The following INSYN2B variants were observed in gnomAD, a reference collection of about 807,000 sequenced individuals.
INSYN2B encodes inhibitory synaptic factor family member 2B, also known as protein INSYN2B.
A neutral mutation model predicts 41.2 loss-of-function variants in INSYN2B; 16 were observed. The observed-to-expected ratio is 0.39, with a 90% confidence interval of 0.26 to 0.59. The LOEUF is 0.59. Among genes scored for constraint, INSYN2B ranks in the 20% least tolerant of loss-of-function variants. INSYN2B has a pLI of 0.57. For synonymous variants in INSYN2B, 245 were observed against 244.4 expected, an observed-to-expected ratio of 1.00 and a Z score of -0.02; for missense variants, 608 against 646.4, an observed-to-expected ratio of 0.94 and a Z score of 0.64.
At chr5:169,956,747 G>C (rs1004818079) in intron 1 of INSYN2B, among the ~76,000 whole-genome samples, 3 of 152,154 alleles carry the variant, frequency 2.0e-5, no homozygotes, top group Non-Finnish European at 4.4e-5. Flanking sequence ...TTAAAGTGAA[G>C]TTTCCCTAGC....
rs147477042 is a variant in INSYN2B, at chr5:169,901,989, T to C, written c.-918-17173A>G. ...GGTGTACACCATACCATATCAGGCA[T>C]TGGCCTTCAGAAGTAAGAGACCACC... On this transcript the variant is annotated intron_variant, in intron 1 of 3. Coordinates refer to ENST00000377365, the MANE Select transcript of INSYN2B (RefSeq NM_001129891.3). Among the ~76,000 whole-genome samples the C allele has an allele frequency of 4.0e-4, 61 of 152,318 alleles. No individual in the cohort carries two copies. In the East Asian group the frequency reaches 9.5e-3, roughly 24 times the overall value.
At chr5:169,909,126 G>T (rs955783206) in intron 1 of INSYN2B, among the ~76,000 whole-genome samples, 1 of 152,196 alleles carries the variant, frequency 6.6e-6, no homozygotes, top group African/African-American at 2.4e-5. Context: ...CACCTTTGCT[G>T]TGCCTCCATT....
At chr5:169,968,572 G>A (rs1480304776) in intron 1 of INSYN2B, among the ~76,000 whole-genome samples, 1 of 152,206 alleles carries the variant, frequency 6.6e-6, no homozygotes, top group African/African-American at 2.4e-5. Flanking sequence ...TCCCTATGGA[G>A]TTCGTGCAGA....
chr5:169,877,660 T>C (rs1268653800), intron 3 of INSYN2B, among the ~76,000 whole-genome samples: 1 of 144,288 alleles, frequency 6.9e-6, no homozygotes, highest in African/African-American at 2.9e-5. Flanking sequence ...AAATTTTAGA[T>C]AGATAGATAG....
intron 1 of INSYN2B, among the ~76,000 whole-genome samples, chr5:169,964,137 A>G (rs969411241): frequency 6.6e-5 from 10 of 152,208 alleles, no homozygotes; most frequent in African/African-American, 2.4e-4. Flanking sequence ...TCTACTGACC[A>G]GAACATAATT....
chr5:169,937,682 T>G (rs765579532), intron 1 of INSYN2B, among the ~76,000 whole-genome samples: 68 of 152,340 alleles, frequency 4.5e-4, no homozygotes, highest in Non-Finnish European at 1.5e-4. Flanking sequence ...TTTATTATTA[T>G]TTTGTCTATT....
intron 1 of INSYN2B, among the ~76,000 whole-genome samples, chr5:169,925,178 G>C (rs1189381204): frequency 6.6e-6 from 1 of 152,176 alleles, no homozygotes; most frequent in Non-Finnish European, 1.5e-5. Flanking sequence ...AGGGGACTCT[G>C]TAGTAGGGAG....
chr5:169,931,383 G>A (rs1186253602), intron 1 of INSYN2B, among the ~76,000 whole-genome samples: 6 of 152,300 alleles, frequency 3.9e-5, no homozygotes, highest in Non-Finnish European at 7.3e-5. Context: ...TGATATTGCC[G>A]CCTCTCGGCA....
chr5:169,941,713 G>C (rs537517303), intron 1 of INSYN2B, among the ~76,000 whole-genome samples: 10 of 152,336 alleles, frequency 6.6e-5, no homozygotes, highest in African/African-American at 2.4e-4. Context: ...CACGCTGACT[G>C]TTATGTGGAA....
intron 1 of INSYN2B, among the ~76,000 whole-genome samples, chr5:169,934,395 C>G (rs1355671537): frequency 1.9e-4 from 29 of 152,208 alleles, no homozygotes. Context: ...CACTAATTTA[C>G]CTATCCGCAT....
At chr5:169,944,066 G>A (rs1402365633) in intron 1 of INSYN2B, among the ~76,000 whole-genome samples, 1 of 152,194 alleles carries the variant, frequency 6.6e-6, no homozygotes, top group Non-Finnish European at 1.5e-5. Context: ...CATGTGCCAG[G>A]ACCGGGGTAA....
intron 1 of INSYN2B, among the ~76,000 whole-genome samples, chr5:169,946,795 GC>G (rs1776468450): frequency 6.6e-6 from 1 of 152,218 alleles, no homozygotes; most frequent in Non-Finnish European, 1.5e-5. Context: ...GTGACGTGGG[GC>G]TGAGGGAGAC....
In INSYN2B at chr5:169,884,118, T is replaced by C. The variant is rs1226228277; in HGVS notation, c.-220A>G. 1 of 400,616 alleles carries C rather than the reference T, an allele frequency of 2.5e-6. No individual in the cohort carries two copies. The highest frequency in any genetic ancestry group is 4.4e-6 in the Non-Finnish European group (1 of 226,672). The allele number at this position is 400,616 out of a possible 1,614,324, so 24.8% of individuals were successfully genotyped here. A position where few individuals can be genotyped will look rare whatever the true frequency, so the allele number is the denominator to read the frequency against. On this transcript the variant is annotated 5_prime_UTR_variant, in exon 2 of 4. It removes the in-frame stop codon of an upstream open reading frame in the 5' UTR. Transcript: ENST00000377365. ...AATGCTTTCCCTGCAGTTAAAATATTAATTCATTGTAGTCATAATTGCTCC... is the reference window on the plus strand; with the variant it reads ...AATGCTTTCCCTGCAGTTAAAATATCAATTCATTGTAGTCATAATTGCTCC...
chr5:169,948,081 G>A (rs1240730235), intron 1 of INSYN2B, among the ~76,000 whole-genome samples: 5 of 152,162 alleles, frequency 3.3e-5, no homozygotes, highest in South Asian at 4.2e-4. Context: ...ACCGAGAGAA[G>A]AGCCAGGCCA....
chr5:169,900,143 C>T (rs908624188), intron 1 of INSYN2B, among the ~76,000 whole-genome samples: 3 of 152,188 alleles, frequency 2.0e-5, no homozygotes, highest in South Asian at 2.1e-4. Context: ...CCTCCAAGCT[C>T]TCAGATCTAA....
In INSYN2B at chr5:169,883,627, C is replaced by G. The variant is rs770222881; in HGVS notation, c.272G>C (p.Gly91Ala). The G allele has an allele frequency of 1.3e-6, 2 of 1,551,428 alleles. No homozygotes were observed. Among genetic ancestry groups the G allele is most frequent in the East Asian group, 2.4e-5 (1 of 40,916 alleles). Residue 91 changes from glycine (G) to alanine (A), a missense_variant, in exon 2 of 4, where the codon GGC (glycine) becomes GCC (alanine). By Grantham distance (60) the Gly-to-Ala change is moderately conservative. Transcript: ENST00000377365. ...LSFPRSQKAGGFRNIAIQTSP... is the reference protein window; with the variant it reads ...LSFPRSQKAGAFRNIAIQTSP... ...AGTTTGGATTGCAATGTTGCGAAAG[C>G]CCCCTGCCTTCTGGGACCTGGGGAA...
At chr5:169,912,283 C>G (rs1581405110) in intron 1 of INSYN2B, among the ~76,000 whole-genome samples, 1 of 152,002 alleles carries the variant, frequency 6.6e-6, no homozygotes, top group African/African-American at 2.4e-5. Flanking sequence ...TGATGTCAAA[C>G]TCCTGAGCCC....
intron 1 of INSYN2B, among the ~76,000 whole-genome samples, chr5:169,893,827 T>C (rs1232417848): frequency 6.6e-6 from 1 of 152,212 alleles, no homozygotes; most frequent in East Asian, 1.9e-4. Flanking sequence ...ATTTTCCACA[T>C]GGGAGAGGGA....
At chr5:169,908,780 T>C (rs1261301394) in intron 1 of INSYN2B, among the ~76,000 whole-genome samples, 2 of 149,824 alleles carry the variant, frequency 1.3e-5, no homozygotes, top group Non-Finnish European at 3.0e-5. Flanking sequence ...AGTGGTGTGA[T>C]GTCAGCTCAC....
Sources: gnomAD v4.1 joint callset for allele counts (sites outside exome capture counted in the v4.1 genomes callset) on GRCh38, gnomAD v4.1.1 for gene constraint, MANE v1.5 for transcripts, NCBI Gene and HGNC (gene_info 2026-07-23, HGNC 2026-07-21) for gene names.